SETD2: variants seen among roughly 807,000 people sequenced by gnomAD.
The protein encoded by SETD2 is histone-lysine N-methyltransferase SETD2.
SETD2 carries 31 observed loss-of-function variants against 242.1 expected under a neutral mutation model. The ratio of observed to expected loss-of-function variants is 0.13; its 90% CI spans 0.10 to 0.17. The LOEUF (loss-of-function observed/expected upper bound fraction) is 0.17, where lower values mean the gene tolerates loss of function less well. SETD2 is among the 10% of genes least tolerant of loss of function. The pLI is 1.00. For missense variants in SETD2, 2,481 were observed against 3,046.3 expected (o/e 0.81, Z 4.37); for synonymous variants, 1,006 against 1,066.5 (o/e 0.94, Z 1.11).
chr3:47,119,828 C>G (rs1331628375), intron 3 of SETD2: 1 of 478,240 alleles, frequency 2.1e-6, no homozygotes, highest in Non-Finnish European at 4.2e-6. Flanking sequence ...TTTTTCTTCT[C>G]TAAGTACAGA....
chr3:47,145,549 C>T (rs2043832022), intron 1 of SETD2: 1 of 416,632 alleles, frequency 2.4e-6, no homozygotes, highest in Non-Finnish European at 4.9e-6. Flanking sequence ...GCCACCATGC[C>T]CAGCTTGGCT....
At chr3:47,154,957 G>T (rs1235889424) in intron 1 of SETD2, among the ~76,000 whole-genome samples, 1 of 151,392 alleles carries the variant, frequency 6.6e-6, no homozygotes, top group African/African-American at 2.4e-5. Context: ...TCGCACCACC[G>T]CACTCCAGCC....
At chr3:47,111,170 G>A (rs115364419) in intron 5 of SETD2, among the ~76,000 whole-genome samples, 164 of 150,614 alleles carry the variant, frequency 1.1e-3, no homozygotes, top group African/African-American at 3.6e-3. Flanking sequence ...GAAAATGTGC[G>A]TCTGGACTAG....
At chr3:47,131,502 C>A (rs562264970) in intron 1 of SETD2, among the ~76,000 whole-genome samples, 1 of 151,858 alleles carries the variant, frequency 6.6e-6, no homozygotes, top group Non-Finnish European at 1.5e-5. Flanking sequence ...CACCACCACA[C>A]CCGGCTAATT....
chr3:47,040,078 G>A (rs561905537), intron 17 of SETD2, among the ~76,000 whole-genome samples: 1 of 151,218 alleles, frequency 6.6e-6, no homozygotes, highest in Admixed American at 6.6e-5. Flanking sequence ...CAGGGTTCAA[G>A]TAATTCTCCC....
chr3:47,114,387 A>AT (rs2042775091), intron 4 of SETD2, among the ~76,000 whole-genome samples: 1 of 152,128 alleles, frequency 6.6e-6, no homozygotes, highest in Admixed American at 6.5e-5. Context: ...TTTTAATTTC[A>AT]TTTTTTGAAT....
At chr3:47,110,112 C>T (rs536886744) in intron 5 of SETD2, among the ~76,000 whole-genome samples, 10 of 152,192 alleles carry the variant, frequency 6.6e-5, no homozygotes, top group Non-Finnish European at 1.0e-4. Context: ...CTGACACATG[C>T]TGCAATACAG....
At chr3:47,152,613 C>T (rs1438570406) in intron 1 of SETD2, among the ~76,000 whole-genome samples, 3 of 152,128 alleles carry the variant, frequency 2.0e-5, no homozygotes, top group South Asian at 4.1e-4. Flanking sequence ...AAATATCAGA[C>T]AAAAGCCTCA....
At chr3:47,077,816 T>C (rs1465085446) in intron 12 of SETD2, among the ~76,000 whole-genome samples, 2 of 151,860 alleles carry the variant, frequency 1.3e-5, no homozygotes, top group Admixed American at 6.6e-5. Context: ...TAAAAGAAAA[T>C]AATGGAGATA....
chr3:47,075,128 C>G (rs1402029313), intron 12 of SETD2, among the ~76,000 whole-genome samples: 1 of 146,600 alleles, frequency 6.8e-6, no homozygotes, highest in African/African-American at 2.5e-5. Flanking sequence ...AGCGAGACTC[C>G]GTCTCTTAAA....
intron 1 of SETD2, chr3:47,145,471 T>C (rs2043830397): frequency 2.4e-6 from 1 of 416,736 alleles, no homozygotes; most frequent in Non-Finnish European, 4.9e-6. Flanking sequence ...CCCAGCTTGC[T>C]GCAGCCTTGA....
chr3:47,081,371 A>G (rs1358049406), intron 12 of SETD2, among the ~76,000 whole-genome samples: 1 of 152,140 alleles, frequency 6.6e-6, no homozygotes, highest in Admixed American at 6.5e-5. Context: ...CATAACCACA[A>G]TCTTAGACCA....
In SETD2 at chr3:47,136,287, T is replaced by C. The variant is rs191469322; in HGVS notation, c.72-9624A>G. Among the ~76,000 whole-genome samples the C allele has an allele frequency of 1.4e-3, 218 of 152,256 alleles. 4 individuals carry two copies. The South Asian group carries it at 0.023, about 16-fold the overall frequency. On this transcript the variant is annotated intron_variant, in intron 1 of 20. Coordinates refer to ENST00000409792, the MANE Select transcript of SETD2 (RefSeq NM_014159.7). Reference sequence around the variant, plus strand: ...TACCTCTTTCCATAGTCCCTCCTCCTCATTCTCTAGGTTTTAGCCACATTA... The same window carrying C: ...TACCTCTTTCCATAGTCCCTCCTCCCCATTCTCTAGGTTTTAGCCACATTA...
chr3:47,022,675 T>C (rs2038285273), intron 18 of SETD2, among the ~76,000 whole-genome samples: 1 of 152,212 alleles, frequency 6.6e-6, no homozygotes, highest in Non-Finnish European at 1.5e-5. Flanking sequence ...TGGAAATCTA[T>C]GTGAGGCCGT....
intron 2 of SETD2, among the ~76,000 whole-genome samples, chr3:47,124,984 A>T (rs895266742): frequency 6.6e-6 from 1 of 152,172 alleles, no homozygotes; most frequent in Non-Finnish European, 1.5e-5. Context: ...GAGGTCATCA[A>T]GACCAGTGGT....
intron 15 of SETD2, among the ~76,000 whole-genome samples, chr3:47,047,987 G>A (rs1190254452): frequency 6.6e-6 from 1 of 152,060 alleles, no homozygotes; most frequent in Non-Finnish European, 1.5e-5. Context: ...GTTGTTCCTA[G>A]GCTACAAACC....
At position 47,122,623 on chromosome 3, in the gene SETD2, T is replaced by A. The variant is rs2106683188; in HGVS notation, c.2013A>T (p.Leu671Phe). The change falls in exon 3 of 21, where the codon TTA becomes TTT. Residue 671 changes from leucine to phenylalanine, a missense_variant. Physicochemically the swap from Leu to Phe is conservative, Grantham distance 22. Coordinates refer to ENST00000409792, the MANE Select transcript of SETD2 (RefSeq NM_014159.7). The part of the protein sequence containing the change: ...DQLRSFCPIE[L>F]NINGSPGAES... The stretch of plus-strand genomic sequence containing the variant: ...CTGCCCCAGGAGATCCATTTATATT[T>A]AATTCTATGGGACAAAAACTTCTTA... The A allele has an allele frequency of 6.2e-7, 1 of 1,613,982 alleles. No homozygotes were observed. The highest frequency in any genetic ancestry group is 8.5e-7 in the Non-Finnish European group (1 of 1,179,884).
At chr3:47,129,879 A>G (rs931558698) in intron 1 of SETD2, among the ~76,000 whole-genome samples, 1 of 143,876 alleles carries the variant, frequency 7.0e-6, no homozygotes, top group African/African-American at 2.5e-5. Flanking sequence ...ACTCCGCCTC[A>G]AAAAAAAAAA....
At chr3:47,088,279 AAAC>A (rs747283239) in intron 9 of SETD2, 32 bp from the exon 10 acceptor site, 46 of 1,567,908 alleles carry the variant, frequency 2.9e-5, no homozygotes, top group Middle Eastern at 1.7e-4. Flanking sequence ...CCTTTTTATA[AAAC>A]AACAACAACA....
Sources: gnomAD v4.1 joint callset for allele counts (sites outside exome capture counted in the v4.1 genomes callset) on GRCh38, gnomAD v4.1.1 for gene constraint, MANE v1.5 for transcripts, NCBI Gene and HGNC (gene_info 2026-07-23, HGNC 2026-07-21) for gene names.